Variants in PRMT8 observed in about 807,000 individuals in gnomAD.
PRMT8 encodes protein arginine N-methyltransferase 8.
In PRMT8, 7 loss-of-function variants were observed where a neutral mutation model predicts 47.1. The ratio of observed to expected loss-of-function variants is 0.15; its 90% confidence interval spans 0.08 to 0.28. The LOEUF is 0.28. Ranked by LOEUF, PRMT8 falls within the 10% of genes least tolerant of loss-of-function variation. PRMT8 has a pLI of 1.00. For missense variants in PRMT8, 237 were observed against 505.4 expected, an observed-to-expected ratio of 0.47 and a Z score of 5.09; for synonymous variants, 188 against 186.5, an observed-to-expected ratio of 1.01 and a Z score of -0.07.
chr12:3,441,937 G>A (rs1864807790), intron 1 of PRMT8, among the ~76,000 whole-genome samples: 1 of 152,172 alleles, frequency 6.6e-6, no homozygotes, highest in East Asian at 1.9e-4. Context: ...AACAGCAACT[G>A]TGGAAATCAC....
In PRMT8 at chr12:3,456,219, G is replaced by T. The variant is rs576919425; in HGVS notation, c.48+74777G>T. On this transcript the variant is annotated intron_variant, in intron 1 of 9. Transcript: ENST00000452611. This position sits in a 1 kb window ranked among gnomAD's most constrained non-coding sequence, Gnocchi z 4.2. ...CGCTGGCACACCAAGCGCCACCTTT[G>T]AGCGGGAAATGGCAGCCTCCCCTTG... 8.5e-5 allele frequency among the ~76,000 whole-genome samples: 13 copies of T among 152,326 alleles called. No homozygotes were observed. Among genetic ancestry groups the T allele is most frequent in the African/African-American group, 3.1e-4 (13 of 41,576 alleles).
intron 1 of PRMT8, among the ~76,000 whole-genome samples, chr12:3,430,071 A>T (rs892854681): frequency 2.0e-5 from 3 of 152,244 alleles, no homozygotes; most frequent in African/African-American, 7.2e-5. Context: ...TCATGTCTCC[A>T]AAAACTGAGC....
intron 1 of PRMT8, among the ~76,000 whole-genome samples, chr12:3,387,060 CA>C (rs1864147551): frequency 1.3e-5 from 2 of 152,118 alleles, no homozygotes; most frequent in East Asian, 1.9e-4. Context: ...GCCCTTCAAG[CA>C]AAGACAAGAA....
chr12:3,454,601 G>A (rs1864954714), intron 1 of PRMT8, among the ~76,000 whole-genome samples: 1 of 152,028 alleles, frequency 6.6e-6, no homozygotes, highest in African/African-American at 2.4e-5. Context: ...TTTCTCAAGC[G>A]GGAGACCAAG....
chr12:3,468,708 G>A (rs1865131059), intron 1 of PRMT8, among the ~76,000 whole-genome samples: 1 of 152,152 alleles, frequency 6.6e-6, no homozygotes. Flanking sequence ...ACTTATCTGG[G>A]GCCCACTTAT....
chr12:3,522,287 A>G (rs1043811388), intron 1 of PRMT8, among the ~76,000 whole-genome samples: 4 of 152,196 alleles, frequency 2.6e-5, no homozygotes, highest in African/African-American at 9.6e-5. Context: ...TTAGGTTAAA[A>G]GGACTTCTAA....
rs1867038976 is a variant in PRMT8, at chr12:3,580,419, G to A, written c.829-2639G>A. 6.6e-6 allele frequency among the ~76,000 whole-genome samples: 1 copy of A among 151,950 alleles called. No homozygotes were observed. Among genetic ancestry groups the A allele is most frequent in the Admixed American group, 6.6e-5 (1 of 15,244 alleles). ...GAAAGTAACCACGTCTAGATTGTAA[G>A]CCATAAGGAATCATTGAAGGTTATA... On this transcript the variant is annotated intron_variant, in intron 7 of 9. Coordinates refer to ENST00000382622, the MANE Select transcript of PRMT8 (RefSeq NM_019854.5). This position sits in a 1 kb window ranked among gnomAD's most constrained non-coding sequence, Gnocchi z 4.6.
At chr12:3,486,685 T>C (rs900505001), upstream of PRMT8, among the ~76,000 whole-genome samples, 9 of 152,172 alleles carry the variant, frequency 5.9e-5, no homozygotes, top group East Asian at 1.9e-4. Flanking sequence ...ATCTTTTGGG[T>C]CTTTCTCATC....
At chr12:3,512,819 T>C (rs112066722) in intron 1 of PRMT8, among the ~76,000 whole-genome samples, 151 of 152,306 alleles carry the variant, frequency 9.9e-4, no homozygotes, top group African/African-American at 3.3e-3. Flanking sequence ...TGGGTAGAGA[T>C]TGCCTGCTCA....
intron 1 of PRMT8, among the ~76,000 whole-genome samples, chr12:3,383,241 C>A (rs1304486487): frequency 2.0e-5 from 3 of 152,108 alleles, no homozygotes; most frequent in Admixed American, 2.0e-4. Flanking sequence ...ATAAGCTTGT[C>A]TATATCTATA....
intron 4 of PRMT8, among the ~76,000 whole-genome samples, 166 bp from the exon 5 acceptor site, chr12:3,568,540 T>C (rs1386028914): frequency 6.6e-6 from 1 of 152,174 alleles, no homozygotes; most frequent in African/African-American, 2.4e-5. Flanking sequence ...CAGGTAGTTT[T>C]CAATTATGTT....
chr12:3,566,956 A>C lies in PRMT8; in HGVS notation c.482-1750A>C, dbSNP rs1332650845. Among the ~76,000 whole-genome samples the C allele has an allele frequency of 6.6e-6, 1 of 152,236 alleles. No homozygotes were observed. The highest frequency in any genetic ancestry group is 1.5e-5 in the Non-Finnish European group (1 of 68,032). ...GCTTGCTCAGATCTTTACAGCAACA[A>C]ATACAAAAAGGGACTCCAAAATTAT... On this transcript the variant is annotated intron_variant, in intron 4 of 9. Transcript: ENST00000382622. This position sits in a 1 kb window ranked among gnomAD's most constrained non-coding sequence, Gnocchi z 4.7.
At chr12:3,559,076 G>A (rs570913464) in intron 4 of PRMT8, among the ~76,000 whole-genome samples, 1 of 152,114 alleles carries the variant, frequency 6.6e-6, no homozygotes, top group South Asian at 2.1e-4. Flanking sequence ...CAGACAGCCA[G>A]CGTTCATCCA....
chr12:3,388,789 G>C (rs1306825088), intron 1 of PRMT8, among the ~76,000 whole-genome samples: 1 of 152,132 alleles, frequency 6.6e-6, no homozygotes, highest in Non-Finnish European at 1.5e-5. Context: ...GCTTGCTCCA[G>C]GCAAGACAAG....
intron 1 of PRMT8, among the ~76,000 whole-genome samples, chr12:3,417,000 G>T (rs1228408704): frequency 6.6e-6 from 1 of 152,206 alleles, no homozygotes; most frequent in Non-Finnish European, 1.5e-5. Flanking sequence ...GGAAAGAGGG[G>T]CAACTTCCTG....
At position 3,540,613 on chromosome 12, in the gene PRMT8, G is replaced by GACC; in HGVS notation, c.83_84insACC (p.Ser28delinsArgPro). On this transcript the variant is annotated protein_altering_variant, in exon 2 of 10. Coordinates refer to ENST00000382622, the MANE Select transcript of PRMT8 (RefSeq NM_019854.5). The stretch of plus-strand genomic sequence containing the variant: ...CCCTTCTCTTCCCCTCAGGTGAACA[G>GACC]CCCCCCCTCCCAGCCCCCCCAGCCC... 8.8e-7 allele frequency: 1 copy of GACC among 1,130,512 alleles called. No individual in the cohort carries two copies. The highest frequency in any genetic ancestry group is 1.9e-5 in the Admixed American group (1 of 52,688). 70.0% of individuals were successfully genotyped at this position (1,130,512 alleles called of 1,614,324 possible).
At chr12:3,454,967 G>A (rs929000438) in intron 1 of PRMT8, among the ~76,000 whole-genome samples, 1 of 152,154 alleles carries the variant, frequency 6.6e-6, no homozygotes, top group Non-Finnish European at 1.5e-5. Flanking sequence ...ACCAAAGAAT[G>A]CAGTTTCTAC....
At chr12:3,481,479 C>G (rs1865273322) in intron 1 of PRMT8, among the ~76,000 whole-genome samples, 1 of 152,182 alleles carries the variant, frequency 6.6e-6, no homozygotes, top group African/African-American at 2.4e-5. Flanking sequence ...AGCCTTGGAA[C>G]TCTGAACACA....
At chr12:3,471,927 G>T (rs566046590) in intron 1 of PRMT8, among the ~76,000 whole-genome samples, 356 of 152,168 alleles carry the variant, frequency 2.3e-3, no homozygotes, top group Non-Finnish European at 4.0e-3. Context: ...CGGGGTGAGG[G>T]TAGGAGAATG....
Sources: gnomAD v4.1 joint callset for allele counts (sites outside exome capture counted in the v4.1 genomes callset) on GRCh38, gnomAD v4.1.1 for gene constraint, Gnocchi (gnomAD v3.1) non-coding constraint, MANE v1.5 for transcripts, NCBI Gene and HGNC (gene_info 2026-07-23, HGNC 2026-07-21) for gene names.